Variants in SLCO2A1 observed in about 807,000 individuals in gnomAD.
SLCO2A1 encodes the protein matrin F/G 1.
In SLCO2A1, 60 loss-of-function variants were observed where a neutral mutation model predicts 71.7. That is an observed-to-expected ratio of 0.84 (90% confidence interval 0.68 to 1.04). SLCO2A1 has a LOEUF of 1.04. SLCO2A1 is among the 50% of genes least tolerant of loss of function. The pLI is 0.00. For synonymous variants in SLCO2A1, 308 were observed against 326.7 expected (o/e 0.94, Z 0.62); for missense variants, 745 against 813.4 (o/e 0.92, Z 1.02).
intron 2 of SLCO2A1, among the ~76,000 whole-genome samples, chr3:133,977,071 G>A (rs954709524): frequency 1.3e-4 from 20 of 152,194 alleles, no homozygotes; most frequent in African/African-American, 3.9e-4. Flanking sequence ...GCACCAGGCC[G>A]GGCTCTCTTC....
At chr3:134,003,245 C>T (rs968210714) in intron 1 of SLCO2A1, among the ~76,000 whole-genome samples, 1 of 152,200 alleles carries the variant, frequency 6.6e-6, no homozygotes, top group African/African-American at 2.4e-5. Flanking sequence ...TGACACCTAC[C>T]AGTTGCAGCC....
At chr3:133,955,249 TG>T in intron 3 of SLCO2A1, 56 bp from the exon 4 acceptor site, 4 of 1,506,854 alleles carry the variant, frequency 2.7e-6, no homozygotes, top group Non-Finnish European at 3.6e-6. Context: ...TTCCACCGGC[TG>T]GCCTCCAAAC....
intron 1 of SLCO2A1, among the ~76,000 whole-genome samples, chr3:134,023,617 A>G (rs1190072401): frequency 6.6e-6 from 1 of 152,204 alleles, no homozygotes; most frequent in Non-Finnish European, 1.5e-5. Flanking sequence ...TGCCCCAACC[A>G]GTTTTTGTAA....
rs531056182 is a variant in SLCO2A1, at chr3:133,942,865, T to C, written c.1462-97A>G. On this transcript the variant is annotated intron_variant, in intron 10 of 13. Transcript: ENST00000310926. ...CACCAGCTCTTGTTGGAGACTGAGG[T>C]TTCAACCCTTGTGTCCTCTGGGTCT... 22 of 1,305,746 alleles carry C rather than the reference T, an allele frequency of 1.7e-5. No individual in the cohort carries two copies. In the African/African-American group the frequency reaches 2.6e-4, roughly 15 times the overall value. The allele number at this position is 1,305,746 out of a possible 1,614,324, so 80.9% of individuals were successfully genotyped here.
intron 12 of SLCO2A1, 111 bp downstream of exon 12, chr3:133,938,318 T>C: frequency 1.1e-6 from 1 of 948,288 alleles, no homozygotes; most frequent in African/African-American, 1.6e-5. Flanking sequence ...ACAGCTTCTC[T>C]TCGCCATGGA....
chr3:133,947,539 G>A, intron 8 of SLCO2A1, 94 bp from the exon 9 acceptor site: 1 of 1,066,578 alleles, frequency 9.4e-7, no homozygotes, highest in Non-Finnish European at 1.3e-6. Context: ...AAGGAAGCAT[G>A]GCTTCAGGAA....
chr3:134,022,748 A>C (rs1214634235), intron 1 of SLCO2A1, among the ~76,000 whole-genome samples: 1 of 152,216 alleles, frequency 6.6e-6, no homozygotes, highest in African/African-American at 2.4e-5. Context: ...ATCTGGTGTA[A>C]AAATCATATG....
Position 133,987,920 on chromosome 3 carries a change from A to C in SLCO2A1, c.97-8302T>G, listed in dbSNP as rs530170436. Among the ~76,000 whole-genome samples, 7 of 152,384 alleles carry C rather than the reference A, an allele frequency of 4.6e-5. No homozygotes were observed. In the South Asian group the frequency reaches 1.2e-3, roughly 27 times the overall value. On this transcript the variant is annotated intron_variant, in intron 1 of 13. Transcript: ENST00000310926. ...TTCCCAAACAGGACTCTGACAGGGC[A>C]ATCTGAATGAAACAGTTCTTCTAAA...
At chr3:133,971,038 G>A (rs1179696309) in intron 3 of SLCO2A1, among the ~76,000 whole-genome samples, 1 of 152,390 alleles carries the variant, frequency 6.6e-6, no homozygotes, top group Middle Eastern at 3.4e-3. Flanking sequence ...TCAGTGTGAG[G>A]CAAATGCCAC....
chr3:133,991,519 C>G (rs561909412), intron 1 of SLCO2A1, among the ~76,000 whole-genome samples: 1 of 152,214 alleles, frequency 6.6e-6, no homozygotes, highest in African/African-American at 2.4e-5. Context: ...GGTGATATTC[C>G]TCATAGCAAT....
intron 6 of SLCO2A1, among the ~76,000 whole-genome samples, chr3:133,950,377 C>A (rs550254004): frequency 6.6e-6 from 1 of 152,328 alleles, no homozygotes; most frequent in African/African-American, 2.4e-5. Flanking sequence ...GCTCCTTCTT[C>A]TCCTCCAAGC....
intron 1 of SLCO2A1, among the ~76,000 whole-genome samples, chr3:134,018,122 C>G (rs923095752): frequency 6.6e-6 from 1 of 152,168 alleles, no homozygotes; most frequent in Non-Finnish European, 1.5e-5. Flanking sequence ...CCTACCCGTT[C>G]CCGTTGTTCT....
intron 3 of SLCO2A1, among the ~76,000 whole-genome samples, chr3:133,963,240 T>A (rs1197783456): frequency 6.6e-6 from 1 of 152,074 alleles, no homozygotes; most frequent in Non-Finnish European, 1.5e-5. Flanking sequence ...AAGGTCTACT[T>A]CCCTAGAAAG....
intron 1 of SLCO2A1, among the ~76,000 whole-genome samples, chr3:133,980,328 T>A (rs1934559821): frequency 6.6e-6 from 1 of 152,214 alleles, no homozygotes; most frequent in Non-Finnish European, 1.5e-5. Flanking sequence ...AGGCCATTTA[T>A]CTCTGTATCT....
At chr3:133,969,561 T>G (rs541563664) in intron 3 of SLCO2A1, among the ~76,000 whole-genome samples, 1 of 150,956 alleles carries the variant, frequency 6.6e-6, no homozygotes, top group East Asian at 1.9e-4. Flanking sequence ...TAACTTTTTT[T>G]TTTTTGTAGA....
chr3:133,952,984 G>A (rs903647980), intron 5 of SLCO2A1, among the ~76,000 whole-genome samples: 12 of 152,004 alleles, frequency 7.9e-5, no homozygotes, highest in African/African-American at 1.2e-4. Flanking sequence ...CCTCAAAAGA[G>A]CTCTTATTAA....
intron 1 of SLCO2A1, among the ~76,000 whole-genome samples, chr3:133,988,374 T>G (rs901032007): frequency 6.6e-6 from 1 of 152,190 alleles, no homozygotes; most frequent in Non-Finnish European, 1.5e-5. Context: ...CAACTGTCAA[T>G]CAGAAAATTT....
chr3:133,983,413 A>G (rs147484406), intron 1 of SLCO2A1, among the ~76,000 whole-genome samples: 4 of 152,342 alleles, frequency 2.6e-5, no homozygotes, highest in Non-Finnish European at 5.9e-5. Flanking sequence ...AGCTACCCCA[A>G]TGAGCCCTGT....
intron 1 of SLCO2A1, among the ~76,000 whole-genome samples, chr3:133,990,410 A>C (rs1246131805): frequency 1.3e-5 from 2 of 152,212 alleles, no homozygotes; most frequent in Non-Finnish European, 2.9e-5. Flanking sequence ...CCTGGTGCTA[A>C]ACCTAGCAGA....
Sources: gnomAD v4.1 joint callset for allele counts (sites outside exome capture counted in the v4.1 genomes callset) on GRCh38, gnomAD v4.1.1 for gene constraint, MANE v1.5 for transcripts, NCBI Gene and HGNC (gene_info 2026-07-23, HGNC 2026-07-21) for gene names.